SYCP2: variants seen among roughly 807,000 people sequenced by gnomAD.
The protein encoded by SYCP2 is synaptonemal complex lateral element protein.
Under a neutral mutation model 211.3 loss-of-function variants are expected in SYCP2, and 55 were observed. That is an observed-to-expected ratio of 0.26 (90% confidence interval 0.21 to 0.33). The LOEUF is 0.33. Among genes scored for constraint, SYCP2 ranks in the 10% least tolerant of loss-of-function variants. SYCP2 has a pLI of 1.00. For synonymous variants in SYCP2, 570 were observed against 555.2 expected (o/e 1.03, Z -0.37); for missense variants, 1,731 against 1,752.0 (o/e 0.99, Z 0.21).
At chr20:59,885,080 G>C (rs1246171376) in intron 26 of SYCP2, 1 of 151,952 alleles carries the variant, frequency 6.6e-6, no homozygotes, top group Non-Finnish European at 1.5e-5. Context: ...AGAAGAAAAA[G>C]AGAATACTTA....
chr20:59,893,430 A>T, intron 21 of SYCP2, 94 bp downstream of exon 21: 2 of 877,286 alleles, frequency 2.3e-6, no homozygotes, highest in Non-Finnish European at 3.5e-6. Context: ...ATCTTTTTCA[A>T]ATCAATGAAA....
chr20:59,877,168 T>C (rs1033526449), intron 33 of SYCP2, among the ~76,000 whole-genome samples: 3 of 152,234 alleles, frequency 2.0e-5, no homozygotes, highest in Admixed American at 6.5e-5. Flanking sequence ...ATAATTTCAC[T>C]AGATTCAGAC....
At chr20:59,877,610 A>T (rs972838128) in intron 32 of SYCP2, 55 bp from the exon 33 acceptor site, 71 of 1,466,298 alleles carry the variant, frequency 4.8e-5, no homozygotes, top group Non-Finnish European at 5.7e-5. Context: ...CAAGAAATAC[A>T]AGCAATTTGC....
At chr20:59,894,727 C>T (rs909113495) in intron 20 of SYCP2, among the ~76,000 whole-genome samples, 1 of 152,156 alleles carries the variant, frequency 6.6e-6, no homozygotes, top group Middle Eastern at 3.4e-3. Flanking sequence ...GAGAAACTCA[C>T]CATCTTCACA....
At chr20:59,886,601 A>G (rs2059793287) in intron 25 of SYCP2, 106 bp downstream of exon 25, 1 of 801,820 alleles carries the variant, frequency 1.2e-6, no homozygotes, top group Admixed American at 3.3e-5. Flanking sequence ...TTTTCTACTG[A>G]AAAGTTACAT....
intron 24 of SYCP2, among the ~76,000 whole-genome samples, chr20:59,889,013 A>T (rs1356277815): frequency 2.0e-5 from 3 of 152,072 alleles, no homozygotes; most frequent in Admixed American, 2.0e-4. Flanking sequence ...ACATATATGG[A>T]TAGAAAGCTC....
At position 59,914,121 on chromosome 20, in the gene SYCP2, A is replaced by G. The variant is rs1341103729; in HGVS notation, c.765T>C (p.Ser255=). The part of the protein sequence containing the change: ...IAKAFKRIKD[S]EFETDCRIFL... ...TTATACAACTTACTGTTTCAAATTC[A>G]GAGTCCTTAATTCTTTTAAATGCCT... The change falls in exon 11 of 45, where the codon TCT becomes TCC. Residue 255 remains serine, a synonymous_variant. Transcript: ENST00000357552. The G allele has an allele frequency of 6.3e-7, 1 of 1,599,080 alleles. No homozygotes were observed. The highest frequency in any genetic ancestry group is 8.5e-7 in the Non-Finnish European group (1 of 1,172,170).
At chr20:59,930,288 T>C (rs2060713649) in intron 2 of SYCP2, among the ~76,000 whole-genome samples, 1 of 152,058 alleles carries the variant, frequency 6.6e-6, no homozygotes, top group Admixed American at 6.5e-5. Flanking sequence ...CTTAAAGAAG[T>C]CGGGGAGTGT....
intron 2 of SYCP2, among the ~76,000 whole-genome samples, chr20:59,927,138 T>C (rs969172037): frequency 4.6e-5 from 7 of 152,158 alleles, no homozygotes; most frequent in Non-Finnish European, 1.0e-4. Context: ...ATGAGATTTG[T>C]TGAGAATGTG....
chr20:59,875,484 A>C lies in SYCP2; in HGVS notation c.3151-15T>G. ...ATATTCTCCTCCTAAATGTATCAAT[A>C]ACTTTCAAATTATACTCAAGTACAA... On this transcript the variant is annotated splice_polypyrimidine_tract_variant and intron_variant, in intron 33 of 44. Coordinates refer to ENST00000357552, the MANE Select transcript of SYCP2 (RefSeq NM_014258.4). 2 of 1,586,334 alleles carry C rather than the reference A, an allele frequency of 1.3e-6. No individual in the cohort carries two copies. The highest frequency in any genetic ancestry group is 2.3e-5 in the South Asian group (2 of 87,610).
At chr20:59,865,886 T>C (rs112873712) in intron 41 of SYCP2, 21 bp from the exon 42 acceptor site, 1 of 1,097,512 alleles carries the variant, frequency 9.1e-7, no homozygotes, top group Non-Finnish European at 1.3e-6. Context: ...TAATAAAATT[T>C]TATTTAGTCC....
chr20:59,879,159 T>TA (rs1210174932), intron 31 of SYCP2, among the ~76,000 whole-genome samples: 1 of 152,114 alleles, frequency 6.6e-6, no homozygotes, highest in Non-Finnish European at 1.5e-5. Context: ...TTACTATATT[T>TA]ATCTTTGGCT....
intron 44 of SYCP2, among the ~76,000 whole-genome samples, chr20:59,864,626 G>C (rs1464844471): frequency 6.6e-6 from 1 of 151,934 alleles, no homozygotes; most frequent in Non-Finnish European, 1.5e-5. Context: ...CCAAATCAGT[G>C]AAATTTAGAT....
intron 16 of SYCP2, 77 bp downstream of exon 16, chr20:59,901,585 A>G (rs1000911739): frequency 1.1e-4 from 95 of 888,594 alleles, no homozygotes; most frequent in Non-Finnish European, 1.5e-4. Context: ...AAAGGAAAAA[A>G]CGCAATAAAA....
In SYCP2 at chr20:59,915,359, G is replaced by C. The variant is rs541952212; in HGVS notation, c.599+106C>G. 13 of 985,076 alleles carry C rather than the reference G, an allele frequency of 1.3e-5. No individual in the cohort carries two copies. In the South Asian group the frequency reaches 1.3e-4, roughly 10 times the overall value. The allele number at this position is 985,076 out of a possible 1,614,324, so 61.0% of individuals were successfully genotyped here. ...ATACACTAAATTATATTAAAAAGCT[G>C]CAACAGTTTATCAGTTTCATTATTA... is the stretch of plus-strand genomic sequence containing the variant. On this transcript the variant is annotated intron_variant, in intron 9 of 44. Coordinates refer to ENST00000357552, the MANE Select transcript of SYCP2 (RefSeq NM_014258.4).
chr20:59,886,463 T>TTG (rs2059790695), intron 25 of SYCP2, among the ~76,000 whole-genome samples: 2 of 152,100 alleles, frequency 1.3e-5, no homozygotes, highest in African/African-American at 4.8e-5. Flanking sequence ...AAATGGTATG[T>TTG]TGTATTGATG....
At position 59,913,951 on chromosome 20, in the gene SYCP2, G is replaced by T. The variant is rs368706145; in HGVS notation, c.830+24C>A. The T allele has an allele frequency of 1.9e-5, 30 of 1,562,452 alleles. No individual in the cohort carries two copies. The African/African-American group carries it at 4.0e-4, about 21-fold the overall frequency. ...GAGCTCTATTTATTTGACAGTAAAT[G>T]GTTGTATCTTGCATTAAGTTTACCT... is the stretch of plus-strand genomic sequence containing the variant. On this transcript the variant is annotated intron_variant, in intron 12 of 44. Transcript: ENST00000357552.
At chr20:59,884,712 T>C (rs1374477523) in intron 26 of SYCP2, among the ~76,000 whole-genome samples, 4 of 152,050 alleles carry the variant, frequency 2.6e-5, no homozygotes, top group Admixed American at 2.0e-4. Context: ...ATCGTTTGTG[T>C]GCTGTTACAG....
chr20:59,880,380 C>A lies in SYCP2; in HGVS notation c.2864G>T (p.Arg955Ile). The change falls in exon 31 of 45, where the codon AGA (arginine) becomes ATA (isoleucine). Residue 955 changes from arginine to isoleucine, a missense_variant. This residue lies in a region of SYCP2 where 1,387 missense variants were observed against 1,351.3 expected (regional missense o/e 1.03). Coordinates refer to ENST00000357552, the MANE Select transcript of SYCP2 (RefSeq NM_014258.4). ...TAGCTGTGGTTTTGATTTCGGTTCT[C>A]TTAGCCAGCTAATATCAGTCTTGCT... ...DDSKTDISWL[R>I]EPKSKPQLID... 6 of 1,601,902 alleles carry A rather than the reference C, an allele frequency of 3.7e-6. No individual in the cohort carries two copies. Among genetic ancestry groups the A allele is most frequent in the Non-Finnish European group, 5.1e-6 (6 of 1,171,918 alleles).
Sources: gnomAD v4.1 joint callset for allele counts (sites outside exome capture counted in the v4.1 genomes callset) on GRCh38, gnomAD v4.1.1 for gene constraint, gnomAD v4.1.1 regional missense constraint, MANE v1.5 for transcripts, NCBI Gene and HGNC (gene_info 2026-07-23, HGNC 2026-07-21) for gene names.